The following CNTNAP5 variants were observed in gnomAD, a reference collection of about 807,000 sequenced individuals.
The protein encoded by CNTNAP5 is contactin associated protein family member 5, also known as contactin-associated protein-like 5.
A neutral mutation model predicts 150.2 loss-of-function variants in CNTNAP5; 72 were observed. That is an observed-to-expected ratio of 0.48 (90% CI 0.40 to 0.58). The LOEUF (loss-of-function observed/expected upper bound fraction) is 0.58. Ranked by LOEUF, CNTNAP5 falls within the 20% of genes least tolerant of loss-of-function variation. The probability of loss-of-function intolerance (pLI) is 0.00; values close to 1 mark genes in which losing one functional copy is unlikely to be tolerated. For missense variants in CNTNAP5, 1,636 were observed against 1,626.2 expected (o/e 1.01, Z -0.10); for synonymous variants, 672 against 619.8 (o/e 1.08, Z -1.25).
chr2:124,373,380 A>G (rs978824111), intron 3 of CNTNAP5, among the ~76,000 whole-genome samples: 4 of 152,176 alleles, frequency 2.6e-5, no homozygotes, highest in African/African-American at 4.8e-5. Context: ...AAGGGGAATT[A>G]TAAAAGAAAC....
chr2:124,664,325 G>GAA (rs34108388), intron 13 of CNTNAP5, among the ~76,000 whole-genome samples: 1,584 of 106,148 alleles, frequency 0.015, 31 homozygotes, highest in African/African-American at 0.049. Context: ...CCTGTCTCAA[G>GAA]AAAAAAAAAA....
chr2:124,574,696 G>A (rs970630167), intron 11 of CNTNAP5, among the ~76,000 whole-genome samples: 8 of 152,220 alleles, frequency 5.3e-5, no homozygotes, highest in African/African-American at 1.4e-4. Context: ...AAGGCATCAT[G>A]TGATTGTTCA....
At chr2:124,408,211 C>G (rs1364923147) in intron 3 of CNTNAP5, among the ~76,000 whole-genome samples, 2 of 150,468 alleles carry the variant, frequency 1.3e-5, no homozygotes, top group South Asian at 2.1e-4. Context: ...GATTATATCT[C>G]GCACCTGGCT....
chr2:124,620,284 T>C (rs1677584284), intron 12 of CNTNAP5, among the ~76,000 whole-genome samples: 1 of 152,108 alleles, frequency 6.6e-6, no homozygotes, highest in African/African-American at 2.4e-5. Context: ...TATCTTTGAC[T>C]CAAGCCCTGT....
chr2:124,046,427 A>AAG (rs75928010), intron 1 of CNTNAP5, among the ~76,000 whole-genome samples: 4,085 of 64,568 alleles, frequency 0.063, 208 homozygotes, highest in African/African-American at 0.15. Context: ...CTGCTCACAA[A>AAG]AGAGAGAAAA....
intron 2 of CNTNAP5, among the ~76,000 whole-genome samples, chr2:124,237,275 G>A (rs1166790237): frequency 6.6e-6 from 1 of 152,146 alleles, no homozygotes; most frequent in African/African-American, 2.4e-5. Context: ...GTTTTGCAGA[G>A]ACTAGTATAT....
At chr2:124,305,467 G>T (rs1209315347) in intron 3 of CNTNAP5, among the ~76,000 whole-genome samples, 1 of 152,128 alleles carries the variant, frequency 6.6e-6, no homozygotes, top group Non-Finnish European at 1.5e-5. Context: ...TTGAAAGCAA[G>T]ACCCTAAAAA....
At chr2:124,034,594 G>C (rs1409345800) in intron 1 of CNTNAP5, among the ~76,000 whole-genome samples, 1 of 152,194 alleles carries the variant, frequency 6.6e-6, no homozygotes, top group Non-Finnish European at 1.5e-5. Flanking sequence ...ACTGCTAGCT[G>C]AGAAACTCAC....
chr2:124,548,120 A>G (rs1418047886), intron 10 of CNTNAP5, among the ~76,000 whole-genome samples: 2 of 152,206 alleles, frequency 1.3e-5, no homozygotes, highest in African/African-American at 4.8e-5. Context: ...GGGGGAAAAA[A>G]CATTAATTGT....
intron 3 of CNTNAP5, among the ~76,000 whole-genome samples, chr2:124,262,277 T>G (rs988340703): frequency 3.3e-5 from 5 of 152,112 alleles, no homozygotes; most frequent in African/African-American, 9.7e-5. Flanking sequence ...CACCCCATTC[T>G]AAGCAGGACT....
chr2:124,419,984 C>CTTTTTTTTTTTTTTTTTTTTTTT, intron 4 of CNTNAP5, among the ~76,000 whole-genome samples: 1 of 94,912 alleles, frequency 1.1e-5, no homozygotes, highest in Non-Finnish European at 2.2e-5. Flanking sequence ...TTCTTTCTTT[C>CTTTTTTTTTTTTTTTTTTTTTTT]TTTCTTTTTT....
intron 17 of CNTNAP5, 58 bp downstream of exon 17, chr2:124,773,075 ATGCCC>A: frequency 7.4e-7 from 1 of 1,351,348 alleles, no homozygotes; most frequent in African/African-American, 1.4e-5. Flanking sequence ...CTGTGTGACC[ATGCCC>A]AAGAAAAAAT....
chr2:124,583,962 T>G (rs1357379687), intron 11 of CNTNAP5, among the ~76,000 whole-genome samples: 1 of 152,138 alleles, frequency 6.6e-6, no homozygotes, highest in Non-Finnish European at 1.5e-5. Flanking sequence ...GGGTTTCAAT[T>G]TAACCTAGCT....
At chr2:124,487,975 C>T (rs1693929221) in intron 7 of CNTNAP5, among the ~76,000 whole-genome samples, 1 of 152,168 alleles carries the variant, frequency 6.6e-6, no homozygotes, top group African/African-American at 2.4e-5. Flanking sequence ...AGGTCTAAGA[C>T]TGCTCTGGAA....
At chr2:124,525,867 G>T (rs368867136) in intron 9 of CNTNAP5, among the ~76,000 whole-genome samples, 4 of 152,164 alleles carry the variant, frequency 2.6e-5, no homozygotes, top group Non-Finnish European at 5.9e-5. Context: ...AAGAATTTGT[G>T]CAAGGCCATA....
At chr2:124,729,721 A>C (rs1011479589) in intron 13 of CNTNAP5, among the ~76,000 whole-genome samples, 1 of 152,042 alleles carries the variant, frequency 6.6e-6, no homozygotes, top group Non-Finnish European at 1.5e-5. Context: ...TTCTGGAGTA[A>C]CCAGATACTC....
At chr2:124,036,446 G>A (rs1160956180) in intron 1 of CNTNAP5, among the ~76,000 whole-genome samples, 1 of 152,024 alleles carries the variant, frequency 6.6e-6, no homozygotes, top group African/African-American at 2.4e-5. Context: ...CTGGGACTAT[G>A]CTGCCACATC....
chr2:124,675,883 T>C (rs975274675), intron 13 of CNTNAP5, among the ~76,000 whole-genome samples: 29 of 152,148 alleles, frequency 1.9e-4, no homozygotes, highest in Non-Finnish European at 5.9e-5. Context: ...CAGTTTTTGT[T>C]GACTTTTGTT....
chr2:124,221,281 TG>T (rs1189463641), intron 1 of CNTNAP5, among the ~76,000 whole-genome samples: 1 of 152,138 alleles, frequency 6.6e-6, no homozygotes, highest in African/African-American at 2.4e-5. Context: ...GAACTGAAGA[TG>T]GGAGAGTAGT....
Sources: gnomAD v4.1 joint callset for allele counts (sites outside exome capture counted in the v4.1 genomes callset) on GRCh38, gnomAD v4.1.1 for gene constraint, MANE v1.5 for transcripts, NCBI Gene and HGNC (gene_info 2026-07-23, HGNC 2026-07-21) for gene names.